The following BNC1 variants were observed in gnomAD, a reference collection of about 807,000 sequenced individuals.
The protein encoded by BNC1 is zinc finger protein basonuclin-1.
BNC1 carries 8 observed loss-of-function variants against 66.5 expected under a neutral mutation model. That is an observed-to-expected ratio of 0.12 (90% CI 0.07 to 0.22). The LOEUF (loss-of-function observed/expected upper bound fraction) is 0.22, where lower values mean the gene tolerates loss of function less well. Among genes scored for constraint, BNC1 ranks in the 10% least tolerant of loss-of-function variants. BNC1 has a pLI of 1.00. For synonymous variants in BNC1, 454 were observed against 452.6 expected, an observed-to-expected ratio of 1.00 and a Z score of -0.04; for missense variants, 1,069 against 1,241.3, an observed-to-expected ratio of 0.86 and a Z score of 2.09.
At chr15:83,260,591 C>T (rs907024702) in intron 4 of BNC1, among the ~76,000 whole-genome samples, 8 of 152,212 alleles carry the variant, frequency 5.3e-5, no homozygotes, top group Non-Finnish European at 1.0e-4. Context: ...GAAGTAATCA[C>T]ATTCAACTGT....
intron 1 of BNC1, among the ~76,000 whole-genome samples, chr15:83,271,524 T>C (rs1165811363): frequency 6.6e-6 from 1 of 152,198 alleles, no homozygotes. Context: ...AAAAACTCCA[T>C]GTGATTAACA....
chr15:83,268,357 GC>G, intron 1 of BNC1, 125 bp from the exon 2 acceptor site: 2 of 821,860 alleles, frequency 2.4e-6, no homozygotes, highest in Non-Finnish European at 3.9e-6. Context: ...CCCACTGTGT[GC>G]CAGGCCCAGA....
intron 1 of BNC1, among the ~76,000 whole-genome samples, chr15:83,282,085 G>A (rs1048049325): frequency 2.0e-5 from 3 of 152,234 alleles, no homozygotes; most frequent in Non-Finnish European, 4.4e-5. Context: ...TTCTGAAGGA[G>A]GAGAATGTCC....
chr15:83,276,993 G>T (rs955219401), intron 1 of BNC1, among the ~76,000 whole-genome samples: 1 of 152,124 alleles, frequency 6.6e-6, no homozygotes, highest in Non-Finnish European at 1.5e-5. Flanking sequence ...GAAAAAAATC[G>T]TAACTCTTCA....
chr15:83,263,862 G>A lies in BNC1; in HGVS notation c.1389C>T (p.Ser463=). 1.2e-6 allele frequency: 2 copies of A among 1,614,194 alleles called. No individual in the cohort carries two copies. Among genetic ancestry groups the A allele is most frequent in the South Asian group, 1.1e-5 (1 of 91,078 alleles). Residue 463 remains serine, a synonymous_variant, in exon 4 of 5, where the codon TCC becomes TCT. Transcript: ENST00000345382. ...PPSYPGSGED[S]KGQPAFPNIG... ...TGTTTGGGAAGGCTGGTTGGCCTTTGGAATCCTCTCCTGAACCAGGGTAGC... is the reference window on the plus strand; with the variant it reads ...TGTTTGGGAAGGCTGGTTGGCCTTTAGAATCCTCTCCTGAACCAGGGTAGC...
At chr15:83,275,013 G>C (rs1255553082) in intron 1 of BNC1, among the ~76,000 whole-genome samples, 1 of 152,198 alleles carries the variant, frequency 6.6e-6, no homozygotes, top group African/African-American at 2.4e-5. Flanking sequence ...GTTCCACACA[G>C]TAAAGACATT....
At chr15:83,278,026 T>A (rs1398993837) in intron 1 of BNC1, among the ~76,000 whole-genome samples, 2 of 152,056 alleles carry the variant, frequency 1.3e-5, no homozygotes, top group East Asian at 3.9e-4. Flanking sequence ...CCCACAGAGG[T>A]ACAACTAGGA....
chr15:83,269,753 T>C lies in BNC1; in HGVS notation c.100-1521A>G, dbSNP rs181702852. 1.4e-3 allele frequency among the ~76,000 whole-genome samples: 218 copies of C among 152,260 alleles called. 1 individual carries two copies. The highest frequency in any genetic ancestry group is 5.0e-3 in the African/African-American group (208 of 41,556). On this transcript the variant is annotated intron_variant, in intron 1 of 4. Transcript: ENST00000345382. ...TATACCCAAAATAACCAAAAACATG[T>C]CTACAAAAACTTGTATATGAATGTT... is the stretch of plus-strand genomic sequence containing the variant.
intron 1 of BNC1, among the ~76,000 whole-genome samples, chr15:83,272,980 G>T (rs761686641): frequency 6.7e-6 from 1 of 149,836 alleles, no homozygotes; most frequent in Admixed American, 6.7e-5. Flanking sequence ...AAATGCCCTT[G>T]GGGGGGGGCC....
chr15:83,273,021 T>C (rs1017659688), intron 1 of BNC1, among the ~76,000 whole-genome samples: 1 of 152,124 alleles, frequency 6.6e-6, no homozygotes. Context: ...TTGGGGCCTA[T>C]AGTTTTAGTT....
chr15:83,279,098 T>C (rs1000745176), intron 1 of BNC1, among the ~76,000 whole-genome samples: 3 of 152,236 alleles, frequency 2.0e-5, no homozygotes, highest in Non-Finnish European at 2.9e-5. Context: ...ATTACAGTTA[T>C]TGTTAATTTT....
At chr15:83,279,587 C>G (rs746240601) in intron 1 of BNC1, among the ~76,000 whole-genome samples, 11 of 152,098 alleles carry the variant, frequency 7.2e-5, no homozygotes, top group Non-Finnish European at 1.6e-4. Flanking sequence ...CCACAGAGCA[C>G]AGGTCTCTGT....
intron 1 of BNC1, chr15:83,283,066 C>A (rs2038397063): frequency 8.2e-7 from 1 of 1,220,028 alleles, no homozygotes; most frequent in African/African-American, 1.5e-5. Flanking sequence ...GCGTCTGATG[C>A]CCCCCGCCCC....
chr15:83,264,117 G>A lies in BNC1; in HGVS notation c.1134C>T (p.Ala378=), dbSNP rs764706422. The change falls in exon 4 of 5, where the codon GCC becomes GCT. Residue 378 remains alanine, a synonymous_variant. Transcript: ENST00000345382. ...DKGTLKIHYN[A]VHLKIKHKCT... Reference sequence around the variant, plus strand: ...ACTTATGCTTGATCTTCAAGTGGACGGCATTGTAGTGGATTTTGAGGGTGC... The same window carrying A: ...ACTTATGCTTGATCTTCAAGTGGACAGCATTGTAGTGGATTTTGAGGGTGC... The A allele has an allele frequency of 7.4e-6, 12 of 1,614,004 alleles. No homozygotes were observed. The highest frequency in any genetic ancestry group is 2.2e-5 in the East Asian group (1 of 44,888).
At chr15:83,268,579 C>T (rs533988886) in intron 1 of BNC1, among the ~76,000 whole-genome samples, 8 of 152,284 alleles carry the variant, frequency 5.3e-5, no homozygotes, top group African/African-American at 1.9e-4. Context: ...TTGACTAAAG[C>T]AGCAACCCTG....
chr15:83,263,378 G>A lies in BNC1; in HGVS notation c.1873C>T (p.Pro625Ser). 1 of 1,614,188 alleles carries A rather than the reference G, an allele frequency of 6.2e-7. No homozygotes were observed. The highest frequency in any genetic ancestry group is 1.1e-5 in the South Asian group (1 of 91,078). ...IESSGAISQT[P>S]EQATHNSERE... is the part of the protein sequence containing the mutation. Reference sequence around the variant, plus strand: ...TCTGAATTGTGTGTGGCCTGCTCAGGGGTTTGGCTGATGGCTCCACTGGAC... The same window carrying A: ...TCTGAATTGTGTGTGGCCTGCTCAGAGGTTTGGCTGATGGCTCCACTGGAC... The change falls in exon 4 of 5, where the codon CCT becomes TCT. Residue 625 changes from proline (P) to serine (S), a missense_variant. Around this residue, in one of 7 missense-constraint regions of BNC1, gnomAD observed 657 missense variants for 715.8 expected, o/e 0.92. Coordinates refer to ENST00000345382, the MANE Select transcript of BNC1 (RefSeq NM_001717.4).
At position 83,283,187 on chromosome 15, in the gene BNC1, G is replaced by A. The variant is rs766699075; in HGVS notation, c.99+1343C>T. 2.8e-4 allele frequency: 433 copies of A among 1,535,590 alleles called. 1 individual carries two copies. The highest frequency in any genetic ancestry group is 3.6e-4 in the Non-Finnish European group (414 of 1,146,906). On this transcript the variant is annotated intron_variant, in intron 1 of 4. Coordinates refer to ENST00000345382, the MANE Select transcript of BNC1 (RefSeq NM_001717.4). Reference sequence around the variant, plus strand: ...GCAGCCACAAAGAGATGCCTTAAATGAGAAGAACATGTTTCTACACCGCAT... The same window carrying A: ...GCAGCCACAAAGAGATGCCTTAAATAAGAAGAACATGTTTCTACACCGCAT...
chr15:83,263,303 C>T lies in BNC1; in HGVS notation c.1948G>A (p.Glu650Lys), dbSNP rs775179639. 16 of 1,614,112 alleles carry T rather than the reference C, an allele frequency of 9.9e-6. No individual in the cohort carries two copies. In the Admixed American group the frequency reaches 1.0e-4, roughly 10 times the overall value. Residue 650 changes from glutamate to lysine, a missense_variant, in exon 4 of 5, where the codon GAG becomes AAG. By Grantham distance (56) the Glu-to-Lys change is moderately conservative (BLOSUM62 1). This residue lies in a region of BNC1 where 657 missense variants were observed against 715.8 expected (regional missense o/e 0.92). Coordinates refer to ENST00000345382, the MANE Select transcript of BNC1 (RefSeq NM_001717.4). ...PALIMVPREV[E>K]DGGHEHYFTP... ...AAGTAGTGTTCATGGCCACCATCCT[C>T]GACCTCCCTTGGCACCATGATCAAT...
At chr15:83,260,053 C>G (rs965775472) in intron 4 of BNC1, among the ~76,000 whole-genome samples, 3 of 152,168 alleles carry the variant, frequency 2.0e-5, no homozygotes, top group Non-Finnish European at 2.9e-5. Flanking sequence ...TCTGAGCACC[C>G]CTAGTGATCT....
Sources: allele counts gnomAD v4.1 joint callset (sites outside exome capture counted in the v4.1 genomes callset), GRCh38; gene constraint gnomAD v4.1.1; regional missense constraint gnomAD v4.1.1; transcripts MANE v1.5; gene names NCBI Gene and HGNC (gene_info 2026-07-23, HGNC 2026-07-21).